The following PPP2R3A variants were observed in gnomAD, a reference collection of about 807,000 sequenced individuals.
PPP2R3A encodes protein phosphatase 2 regulatory subunit B''alpha, also known as serine/threonine-protein phosphatase 2A regulatory subunit B'' subunit alpha.
In PPP2R3A, 80 loss-of-function variants were observed where a neutral mutation model predicts 106.9. The observed-to-expected ratio is 0.75, with a 90% CI of 0.62 to 0.90. The LOEUF is 0.90. PPP2R3A is among the 40% of genes least tolerant of loss of function. The probability of loss-of-function intolerance (pLI) is 0.00; values close to 1 mark genes in which losing one functional copy is unlikely to be tolerated. For missense variants in PPP2R3A, 1,386 were observed against 1,350.4 expected (o/e 1.03, Z -0.41); for synonymous variants, 483 against 468.3 (o/e 1.03, Z -0.41).
At chr3:136,017,271 A>G (rs1365090105) in intron 2 of PPP2R3A, among the ~76,000 whole-genome samples, 2 of 152,150 alleles carry the variant, frequency 1.3e-5, no homozygotes, top group East Asian at 1.9e-4. Context: ...TGTTGACTTT[A>G]GATAACCTGA....
At chr3:136,082,862 T>C (rs1435539483) in intron 8 of PPP2R3A, among the ~76,000 whole-genome samples, 1 of 152,246 alleles carries the variant, frequency 6.6e-6, no homozygotes, top group Admixed American at 6.5e-5. Flanking sequence ...AAAAATTTAC[T>C]TTTGGAAATT....
chr3:136,030,759 CA>C (rs1261474478), intron 3 of PPP2R3A, among the ~76,000 whole-genome samples: 8 of 69,962 alleles, frequency 1.1e-4, no homozygotes, highest in African/African-American at 4.5e-4. Context: ...AGTATTCCAT[CA>C]CATATATATA....
chr3:136,010,417 ATTT>A (rs56962010), intron 2 of PPP2R3A, among the ~76,000 whole-genome samples: 3 of 51,006 alleles, frequency 5.9e-5, no homozygotes, highest in African/African-American at 9.7e-5. Flanking sequence ...CGCTCGGCTA[ATTT>A]TTTTTTTTTT....
chr3:136,039,013 T>C (rs1334194187), intron 3 of PPP2R3A, among the ~76,000 whole-genome samples: 1 of 152,204 alleles, frequency 6.6e-6, no homozygotes, highest in Non-Finnish European at 1.5e-5. Flanking sequence ...ATTTCTGCCC[T>C]GTCCTTACCT....
At chr3:136,132,805 C>CT (rs1938478114) in intron 13 of PPP2R3A, among the ~76,000 whole-genome samples, 1 of 151,742 alleles carries the variant, frequency 6.6e-6, no homozygotes, top group Non-Finnish European at 1.5e-5. Context: ...AGCCAAAACA[C>CT]TTTTTTAAAA....
chr3:136,049,375 C>G lies in PPP2R3A; in HGVS notation c.2469+14C>G. 1.3e-6 allele frequency: 2 copies of G among 1,570,766 alleles called. No homozygotes were observed. The highest frequency in any genetic ancestry group is 1.7e-6 in the Non-Finnish European group (2 of 1,152,356). ...CCTCTACTTCAGGTAATTTTCATCT[C>G]CTTTTGAAAATGGGTTCTAATTTTG... On this transcript the variant is annotated intron_variant, in intron 5 of 13. Transcript: ENST00000264977.
rs909375597 is a variant in PPP2R3A at position 135,996,601 on chromosome 3, C to T, written c.-440-4458C>T. Among the ~76,000 whole-genome samples, 9 of 152,302 alleles carry T rather than the reference C, an allele frequency of 5.9e-5. No individual in the cohort carries two copies. In the South Asian group the frequency reaches 1.5e-3, roughly 25 times the overall value. On this transcript the variant is annotated intron_variant, in intron 1 of 13. Coordinates refer to ENST00000264977, the MANE Select transcript of PPP2R3A (RefSeq NM_002718.5). ...TAAGGAACTTTTTCTCTCCTTTGCT[C>T]CTTCTTGATCAGCATTATTTAATCA...
chr3:136,070,287 G>C (rs1167104477), intron 5 of PPP2R3A, among the ~76,000 whole-genome samples, 191 bp from the exon 6 acceptor site: 1 of 152,162 alleles, frequency 6.6e-6, no homozygotes, highest in African/African-American at 2.4e-5. Context: ...GAAGTATGCT[G>C]TGTATACAGA....
intron 2 of PPP2R3A, among the ~76,000 whole-genome samples, chr3:136,015,941 A>G (rs919011341): frequency 6.6e-6 from 1 of 152,016 alleles, no homozygotes; most frequent in African/African-American, 2.4e-5. Context: ...AGACTTTTTG[A>G]TGCAGGCATT....
intron 13 of PPP2R3A, among the ~76,000 whole-genome samples, chr3:136,140,455 A>AAAAAAAAAAAAAAAC (rs1559943242): frequency 9.3e-5 from 14 of 151,098 alleles, no homozygotes; most frequent in African/African-American, 3.2e-4. Context: ...AAAAAAAAAA[A>AAAAAAAAAAAAAAAC]AAAAAAAAAC....
chr3:136,090,799 C>A, intron 10 of PPP2R3A, 132 bp downstream of exon 10: 1 of 649,772 alleles, frequency 1.5e-6, no homozygotes. Context: ...TTAGTTTCTG[C>A]CGTCTCGGAG....
chr3:136,083,102 C>T (rs1244019093), intron 8 of PPP2R3A, among the ~76,000 whole-genome samples: 1 of 152,154 alleles, frequency 6.6e-6, no homozygotes, highest in Non-Finnish European at 1.5e-5. Context: ...GTAACCTCAA[C>T]CTCCTGGGCT....
At chr3:136,049,963 C>G (rs1346749866) in intron 5 of PPP2R3A, among the ~76,000 whole-genome samples, 3 of 152,084 alleles carry the variant, frequency 2.0e-5, no homozygotes, top group Non-Finnish European at 4.4e-5. Context: ...ACAGACTACA[C>G]CACCAGACTA....
At chr3:136,108,951 T>TAA (rs1334799629) in intron 13 of PPP2R3A, among the ~76,000 whole-genome samples, 1 of 152,030 alleles carries the variant, frequency 6.6e-6, no homozygotes, top group African/African-American at 2.4e-5. Context: ...AGCTCTTCTT[T>TAA]AAAAAGTACA....
intron 2 of PPP2R3A, among the ~76,000 whole-genome samples, chr3:136,007,931 C>T (rs1576429711): frequency 6.6e-6 from 1 of 152,234 alleles, no homozygotes; most frequent in East Asian, 1.9e-4. Context: ...TCTGTTGTTA[C>T]TAGAACTCAC....
At chr3:135,993,081 G>A (rs1933242452) in intron 1 of PPP2R3A, among the ~76,000 whole-genome samples, 1 of 152,048 alleles carries the variant, frequency 6.6e-6, no homozygotes, top group South Asian at 2.1e-4. Flanking sequence ...AAGAAAAAAT[G>A]ATTAATTGGA....
intron 13 of PPP2R3A, among the ~76,000 whole-genome samples, chr3:136,136,533 A>G (rs1938631280): frequency 6.6e-6 from 1 of 152,192 alleles, no homozygotes; most frequent in Non-Finnish European, 1.5e-5. Flanking sequence ...TGTCTGGTAT[A>G]TTAATGCTAA....
chr3:135,995,896 C>A (rs1933376807), intron 1 of PPP2R3A, among the ~76,000 whole-genome samples: 1 of 152,146 alleles, frequency 6.6e-6, no homozygotes, highest in South Asian at 2.1e-4. Flanking sequence ...AATCACTTTT[C>A]AATTTAGAGC....
In PPP2R3A at chr3:136,090,668, G is replaced by T; in HGVS notation, c.2927+1G>T. ...AAGAAGACAAAAGGAATCCTACCAG[G>T]TATGATTTCTAAGTTTCCTTTGCCA... On this transcript the variant is annotated splice_donor_variant, in intron 10 of 13. Coordinates refer to ENST00000264977, the MANE Select transcript of PPP2R3A (RefSeq NM_002718.5). LOFTEE classifies it high-confidence loss of function. 2.5e-6 allele frequency: 4 copies of T among 1,609,482 alleles called. No homozygotes were observed. The highest frequency in any genetic ancestry group is 3.4e-6 in the Non-Finnish European group (4 of 1,176,420).
Sources: gnomAD v4.1 joint callset for allele counts (sites outside exome capture counted in the v4.1 genomes callset) on GRCh38, gnomAD v4.1.1 for gene constraint, MANE v1.5 for transcripts, NCBI Gene and HGNC (gene_info 2026-07-23, HGNC 2026-07-21) for gene names.